ZNF385D: variants seen among roughly 807,000 people sequenced by gnomAD.
The protein encoded by ZNF385D is zinc finger protein 659.
ZNF385D carries 15 observed loss-of-function variants against 35.8 expected under a neutral mutation model. The observed-to-expected ratio is 0.42, with a 90% CI of 0.28 to 0.64. The LOEUF (loss-of-function observed/expected upper bound fraction) is 0.64, where lower values mean the gene tolerates loss of function less well. ZNF385D is among the 30% of genes least tolerant of loss of function. ZNF385D has a pLI of 0.23. For missense variants in ZNF385D, 474 were observed against 494.6 expected (o/e 0.96, Z 0.39); for synonymous variants, 212 against 186.8 (o/e 1.13, Z -1.10).
intron 2 of ZNF385D, among the ~76,000 whole-genome samples, chr3:22,251,046 A>G (rs1700036620): frequency 6.6e-6 from 1 of 152,082 alleles, no homozygotes; most frequent in Admixed American, 6.6e-5. Flanking sequence ...AAATAAAAAC[A>G]TCATGCCTGA....
intron 3 of ZNF385D, among the ~76,000 whole-genome samples, chr3:22,078,510 T>C (rs1032893543): frequency 3.3e-5 from 5 of 152,110 alleles, no homozygotes; most frequent in Admixed American, 6.6e-5. Flanking sequence ...AGTCTCAAAG[T>C]TCACAGATGA....
At chr3:21,790,031 T>C (rs1463182220) in intron 3 of ZNF385D, among the ~76,000 whole-genome samples, 3 of 152,164 alleles carry the variant, frequency 2.0e-5, no homozygotes, top group Admixed American at 1.3e-4. Context: ...TCAGTAACTA[T>C]TAAATGAAAG....
intron 1 of ZNF385D, among the ~76,000 whole-genome samples, chr3:21,701,861 C>G (rs961317898): frequency 3.3e-5 from 5 of 152,172 alleles, no homozygotes; most frequent in African/African-American, 1.2e-4. Flanking sequence ...GGTCTCACAT[C>G]CAGGTCACAC....
intron 3 of ZNF385D, among the ~76,000 whole-genome samples, chr3:22,108,350 T>C (rs1039700468): frequency 5.9e-5 from 9 of 151,578 alleles, no homozygotes; most frequent in African/African-American, 9.7e-5. Context: ...ACTATACATA[T>C]AATGAAAGGT....
intron 2 of ZNF385D, among the ~76,000 whole-genome samples, chr3:22,303,232 T>C (rs997422927): frequency 1.3e-4 from 20 of 152,086 alleles, no homozygotes; most frequent in African/African-American, 3.9e-4. Context: ...TTTAGTAGAG[T>C]GGCTTATATG....
At chr3:21,707,443 T>C (rs1377414324) in intron 1 of ZNF385D, among the ~76,000 whole-genome samples, 1 of 152,210 alleles carries the variant, frequency 6.6e-6, no homozygotes, top group Non-Finnish European at 1.5e-5. Flanking sequence ...TTCGAAGCAA[T>C]TGTCAATGCA....
intron 3 of ZNF385D, among the ~76,000 whole-genome samples, chr3:21,861,874 T>G (rs1269991845): frequency 1.3e-5 from 2 of 152,004 alleles, no homozygotes; most frequent in Non-Finnish European, 2.9e-5. Context: ...ACACACACAG[T>G]CACAACCAGT....
intron 2 of ZNF385D, among the ~76,000 whole-genome samples, chr3:22,279,812 T>C (rs1027015511): frequency 5.3e-5 from 8 of 151,934 alleles, no homozygotes; most frequent in Admixed American, 1.3e-4. Context: ...AGTAGTGGGA[T>C]TGCTGGATCA....
intron 1 of ZNF385D, among the ~76,000 whole-genome samples, chr3:21,707,434 T>G (rs921379610): frequency 9.9e-5 from 15 of 152,208 alleles, no homozygotes; most frequent in Non-Finnish European, 2.2e-4. Context: ...GGCTTAAAAT[T>G]CGAAGCAATT....
At chr3:22,268,172 G>A (rs914940103) in intron 2 of ZNF385D, among the ~76,000 whole-genome samples, 11 of 151,922 alleles carry the variant, frequency 7.2e-5, no homozygotes, top group Non-Finnish European at 1.3e-4. Flanking sequence ...GCTACTGCAT[G>A]GATGACAACC....
At chr3:21,685,295 T>A (rs1188365358) in intron 1 of ZNF385D, among the ~76,000 whole-genome samples, 1 of 152,158 alleles carries the variant, frequency 6.6e-6, no homozygotes, top group Non-Finnish European at 1.5e-5. Context: ...TTTGGAAACA[T>A]TACTTGCCTT....
At chr3:22,285,174 A>T (rs1701961559) in intron 2 of ZNF385D, among the ~76,000 whole-genome samples, 1 of 152,160 alleles carries the variant, frequency 6.6e-6, no homozygotes, top group African/African-American at 2.4e-5. Flanking sequence ...CAAAATTAGT[A>T]TTCTTAGAGA....
chr3:21,516,325 T>C (rs577424384), intron 3 of ZNF385D, among the ~76,000 whole-genome samples: 5 of 152,316 alleles, frequency 3.3e-5, no homozygotes, highest in Admixed American at 2.0e-4. Flanking sequence ...ATAATTACAA[T>C]AGGAGACCAG....
At chr3:22,028,325 A>G (rs1697696550) in intron 3 of ZNF385D, among the ~76,000 whole-genome samples, 1 of 152,134 alleles carries the variant, frequency 6.6e-6, no homozygotes, top group African/African-American at 2.4e-5. Flanking sequence ...CACCTCTGTC[A>G]TCGCCCAGTG....
chr3:22,196,991 T>C (rs1696464114), intron 2 of ZNF385D, among the ~76,000 whole-genome samples: 1 of 152,070 alleles, frequency 6.6e-6, no homozygotes. Flanking sequence ...ACAATCTATT[T>C]TGGCAGGTAT....
At chr3:22,370,366 C>A (rs183593691) in intron 2 of ZNF385D, among the ~76,000 whole-genome samples, 1 of 152,144 alleles carries the variant, frequency 6.6e-6, no homozygotes, top group Non-Finnish European at 1.5e-5. Flanking sequence ...ACTCAAAGAA[C>A]GTCATTCAAG....
At chr3:22,002,173 G>A (rs1216527650) in intron 3 of ZNF385D, among the ~76,000 whole-genome samples, 2 of 150,362 alleles carry the variant, frequency 1.3e-5, no homozygotes, top group Admixed American at 1.3e-4. Flanking sequence ...TTTCAGAAAA[G>A]ATAAATAAAA....
chr3:22,235,704 T>C lies in ZNF385D; in HGVS notation c.107-66669A>G, dbSNP rs1278828113. Among the ~76,000 whole-genome samples, 4 of 152,038 alleles carry C rather than the reference T, an allele frequency of 2.6e-5. No individual in the cohort carries two copies. The East Asian group carries it at 7.7e-4, about 29-fold the overall frequency. Reference sequence around the variant, plus strand: ...GAGTCAAAAACTGAAAAACTGAAAATCAAAATACTTTGCAGTTATCCACTT... The same window carrying C: ...GAGTCAAAAACTGAAAAACTGAAAACCAAAATACTTTGCAGTTATCCACTT... On this transcript the variant is annotated intron_variant, in intron 2 of 5. Coordinates refer to the ZNF385D transcript ENST00000494108.
chr3:21,461,975 A>C (rs1051647356), intron 4 of ZNF385D, among the ~76,000 whole-genome samples: 1 of 152,224 alleles, frequency 6.6e-6, no homozygotes, highest in African/African-American at 2.4e-5. Flanking sequence ...GATAGTTAAA[A>C]GTATATAGCT....
Sources: gnomAD v4.1 joint callset for allele counts (sites outside exome capture counted in the v4.1 genomes callset) on GRCh38, gnomAD v4.1.1 for gene constraint, MANE v1.5 for transcripts, NCBI Gene and HGNC (gene_info 2026-07-23, HGNC 2026-07-21) for gene names.